Variants in XKR6 observed in about 807,000 individuals in gnomAD.
XKR6 encodes the protein XK-related protein 6.
A neutral mutation model predicts 56.7 loss-of-function variants in XKR6; 22 were observed. The observed-to-expected ratio is 0.39, with a 90% CI of 0.28 to 0.55. XKR6 has a LOEUF of 0.55. XKR6 is among the 20% of genes least tolerant of loss of function. XKR6 has a pLI of 0.66. For synonymous variants in XKR6, 524 were observed against 387.8 expected (o/e 1.35, Z -4.13); for missense variants, 852 against 889.0 (o/e 0.96, Z 0.53).
chr8:11,190,396 T>C (rs1038986721), intron 1 of XKR6, among the ~76,000 whole-genome samples: 8 of 152,132 alleles, frequency 5.3e-5, no homozygotes, highest in African/African-American at 1.9e-4. Flanking sequence ...AGTATTTACA[T>C]GGGACCTGTG....
intron 1 of XKR6, among the ~76,000 whole-genome samples, chr8:10,943,482 G>C (rs1801446379): frequency 1.3e-5 from 2 of 152,084 alleles, no homozygotes; most frequent in African/African-American, 4.8e-5. Context: ...ACCTTCCTAA[G>C]GGTGCCCCTC....
chr8:10,998,948 C>T (rs1798176988), intron 1 of XKR6, among the ~76,000 whole-genome samples: 1 of 152,216 alleles, frequency 6.6e-6, no homozygotes, highest in Non-Finnish European at 1.5e-5. Context: ...GAATCAAACC[C>T]CTGAATCTCT....
At position 10,966,096 on chromosome 8, in the gene XKR6, A is replaced by C. The variant is rs377309495; in HGVS notation, c.765-41266T>G. On this transcript the variant is annotated intron_variant, in intron 1 of 2. Transcript: ENST00000416569. ...GGGTGGGGAGGAGGATTGCTAAAACACAGCAACCGTGCCAGGTGCACAGCA... is the reference window on the plus strand; with the variant it reads ...GGGTGGGGAGGAGGATTGCTAAAACCCAGCAACCGTGCCAGGTGCACAGCA... 4.6e-5 allele frequency among the ~76,000 whole-genome samples: 7 copies of C among 152,264 alleles called. No homozygotes were observed. The East Asian group carries it at 7.7e-4, about 17-fold the overall frequency.
At position 11,002,372 on chromosome 8, in the gene XKR6, C is replaced by A. The variant is rs60716942; in HGVS notation, c.765-77542G>T. The A allele has an allele frequency of 7.1e-3, 2,239 of 315,078 alleles. 50 individuals are homozygous for A. Among genetic ancestry groups the A allele is most frequent in the African/African-American group, 0.045 (2,034 of 45,086 alleles). 19.5% of individuals were successfully genotyped at this position (315,078 alleles called of 1,614,324 possible). ...GGACCATGACCTTTGCAGGGGAAGGCTCAGCCAGCACTCACCCAGCAGTTC... is the reference window on the plus strand; with the variant it reads ...GGACCATGACCTTTGCAGGGGAAGGATCAGCCAGCACTCACCCAGCAGTTC... On this transcript the variant is annotated intron_variant, in intron 1 of 2. Coordinates refer to ENST00000416569, the MANE Select transcript of XKR6 (RefSeq NM_173683.4).
intron 1 of XKR6, among the ~76,000 whole-genome samples, chr8:11,157,381 C>G (rs1229824758): frequency 6.6e-6 from 1 of 152,098 alleles, no homozygotes; most frequent in Non-Finnish European, 1.5e-5. Context: ...TGGTCACAAA[C>G]AATTTTAACA....
chr8:11,065,883 A>G (rs746967509), intron 1 of XKR6, among the ~76,000 whole-genome samples: 16 of 152,172 alleles, frequency 1.1e-4, no homozygotes, highest in Non-Finnish European at 2.1e-4. Flanking sequence ...CCCCATAAAC[A>G]TGGCAATGTG....
chr8:11,196,821 C>A (rs1378151260), intron 1 of XKR6, among the ~76,000 whole-genome samples: 1 of 152,184 alleles, frequency 6.6e-6, no homozygotes, highest in Non-Finnish European at 1.5e-5. Context: ...TATTCTCAGC[C>A]AGAACTAAGA....
chr8:11,194,439 T>A (rs112694177), intron 1 of XKR6: 2 of 152,232 alleles, frequency 1.3e-5, no homozygotes, highest in Non-Finnish European at 2.9e-5. Context: ...GTCAATGAAC[T>A]TGTTAAATGA....
At chr8:11,071,330 C>T (rs950416486) in intron 1 of XKR6, among the ~76,000 whole-genome samples, 1 of 152,210 alleles carries the variant, frequency 6.6e-6, no homozygotes, top group African/African-American at 2.4e-5. Flanking sequence ...ACCTCCACCT[C>T]CTGGGTTCAA....
At position 10,976,234 on chromosome 8, in the gene XKR6, G is replaced by A. The variant is rs531273294; in HGVS notation, c.765-51404C>T. ...CCACCATGTTGTGGGAGGGTTTAGT[G>A]GGGTCATTAGCAGAAAAGTCTATTT... On this transcript the variant is annotated intron_variant, in intron 1 of 2. Coordinates refer to ENST00000416569, the MANE Select transcript of XKR6 (RefSeq NM_173683.4). 1.2e-4 allele frequency among the ~76,000 whole-genome samples: 18 copies of A among 152,132 alleles called. No homozygotes were observed. In the South Asian group the frequency reaches 3.7e-3, roughly 32 times the overall value.
intron 1 of XKR6, among the ~76,000 whole-genome samples, chr8:11,001,819 G>GCC (rs1320543047): frequency 6.6e-6 from 1 of 152,214 alleles, no homozygotes; most frequent in Non-Finnish European, 1.5e-5. Context: ...GCAGCTCACT[G>GCC]CCGGTCAGGG....
intron 1 of XKR6, among the ~76,000 whole-genome samples, chr8:11,100,773 G>A (rs1798441243): frequency 6.6e-6 from 1 of 152,214 alleles, no homozygotes; most frequent in Non-Finnish European, 1.5e-5. Flanking sequence ...TGGGGAGGAA[G>A]GTAGGAAGTT....
At chr8:10,996,141 C>G (rs976033280) in intron 1 of XKR6, among the ~76,000 whole-genome samples, 1 of 152,220 alleles carries the variant, frequency 6.6e-6, no homozygotes, top group Non-Finnish European at 1.5e-5. Context: ...CTTCAGTAAT[C>G]ATTATCTGTT....
At chr8:10,930,125 T>A (rs1432410970) in intron 1 of XKR6, among the ~76,000 whole-genome samples, 4 of 152,208 alleles carry the variant, frequency 2.6e-5, no homozygotes, top group African/African-American at 9.7e-5. Flanking sequence ...AGGTTGGCTA[T>A]GGCTCTGCCC....
At chr8:11,184,139 A>G (rs1439697597) in intron 1 of XKR6, among the ~76,000 whole-genome samples, 2 of 152,200 alleles carry the variant, frequency 1.3e-5, no homozygotes, top group Non-Finnish European at 2.9e-5. Flanking sequence ...AGAGACTGTT[A>G]AAGGTTTCAG....
rs373550615 is a variant in XKR6 at position 11,051,333 on chromosome 8, T to TTTCCTTC, written c.765-126510_765-126504dup. 2.8e-4 allele frequency among the ~76,000 whole-genome samples: 42 copies of TTTCCTTC among 152,130 alleles called. 1 individual carries two copies. The Middle Eastern group carries it at 0.01, about 37-fold the overall frequency. ...GTCTCTCCAGTCTCCCCCTCGGTAC[T>TTTCCTTC]TTCCTTCCGACCATGGATTTTAACA... On this transcript the variant is annotated intron_variant, in intron 1 of 2. Transcript: ENST00000416569.
intron 1 of XKR6, among the ~76,000 whole-genome samples, chr8:11,193,064 G>C (rs1393881814): frequency 6.6e-6 from 1 of 152,230 alleles, no homozygotes; most frequent in East Asian, 1.9e-4. Context: ...ATGAGTGAAA[G>C]CATGTGGCCA....
intron 1 of XKR6, among the ~76,000 whole-genome samples, chr8:11,107,318 G>C (rs1331809598): frequency 6.6e-6 from 1 of 151,938 alleles, no homozygotes; most frequent in African/African-American, 2.4e-5. Flanking sequence ...TCCTGCCTCA[G>C]CCTCTCAAAC....
chr8:11,097,462 G>C (rs994656244), intron 1 of XKR6, among the ~76,000 whole-genome samples: 3 of 140,360 alleles, frequency 2.1e-5, no homozygotes, highest in African/African-American at 8.2e-5. Flanking sequence ...AACACACAGG[G>C]CAATATTTTC....
Sources: gnomAD v4.1 joint callset for allele counts (sites outside exome capture counted in the v4.1 genomes callset) on GRCh38, gnomAD v4.1.1 for gene constraint, MANE v1.5 for transcripts, NCBI Gene and HGNC (gene_info 2026-07-23, HGNC 2026-07-21) for gene names.